The following TSPAN16 variants were observed in gnomAD, a reference collection of about 807,000 sequenced individuals.
The protein encoded by TSPAN16 is tetraspanin 16.
TSPAN16 carries 23 observed loss-of-function variants against 25.2 expected under a neutral mutation model. That is an observed-to-expected ratio of 0.91 (90% CI 0.66 to 1.29). The LOEUF (loss-of-function observed/expected upper bound fraction) is 1.29. Ranked by LOEUF, TSPAN16 falls within the 50% of genes most tolerant of loss-of-function variation. TSPAN16 has a pLI of 0.00. For synonymous variants in TSPAN16, 123 were observed against 124.4 expected (o/e 0.99, Z 0.08); for missense variants, 272 against 299.9 (o/e 0.91, Z 0.69).
intron 6 of TSPAN16, among the ~76,000 whole-genome samples, chr19:11,315,249 A>ATAT (rs1249598574): frequency 3.9e-5 from 5 of 127,084 alleles, no homozygotes; most frequent in Non-Finnish European, 7.8e-5. Context: ...AATAATAATA[A>ATAT]TAATAATAAT....
intron 6 of TSPAN16, 52 bp downstream of exon 6, chr19:11,312,274 G>T: frequency 2.4e-6 from 3 of 1,247,326 alleles, no homozygotes; most frequent in Non-Finnish European, 3.4e-6. Context: ...AGCACCTACT[G>T]TATGCCAAAC....
intron 6 of TSPAN16, among the ~76,000 whole-genome samples, chr19:11,313,544 T>A (rs1432410121): frequency 1.8e-5 from 2 of 113,742 alleles, no homozygotes; most frequent in African/African-American, 3.0e-5. Flanking sequence ...AAAAAAAAAT[T>A]ATATCTTAAT....
At chr19:11,301,095 G>A (rs901305892) in intron 3 of TSPAN16, 106 bp from the exon 4 acceptor site, 8 of 874,390 alleles carry the variant, frequency 9.1e-6, no homozygotes, top group Non-Finnish European at 1.3e-5. Flanking sequence ...AATGAAGGCA[G>A]CACGAGGGAC....
intron 4 of TSPAN16, among the ~76,000 whole-genome samples, chr19:11,304,686 G>A (rs1329958227): frequency 4.6e-5 from 7 of 151,634 alleles, no homozygotes; most frequent in Non-Finnish European, 8.8e-5. Flanking sequence ...CATCACGCCC[G>A]GCTAATTTTT....
exon 7 of TSPAN16, chr19:11,326,890 G>A (rs318688): frequency 0.08 from 45,155 of 564,602 alleles, 3,059 homozygotes; most frequent in African/African-American, 0.27. Context: ...GTTTACCAGC[G>A]TGAGCCACCA....
At chr19:11,299,854 G>A (rs1180759361) in intron 3 of TSPAN16, among the ~76,000 whole-genome samples, 1 of 151,948 alleles carries the variant, frequency 6.6e-6, no homozygotes, top group Admixed American at 6.6e-5. Context: ...GCACATGCCT[G>A]TAATCCCAGC....
At chr19:11,316,800 A>AC (rs1295200109), downstream of TSPAN16, among the ~76,000 whole-genome samples, 820 of 119,634 alleles carry the variant, frequency 6.9e-3, 6 homozygotes, top group African/African-American at 0.02. Context: ...ACATAGCAAG[A>AC]CCCCCCCCGC....
intron 6 of TSPAN16, 146 bp downstream of exon 6, chr19:11,312,368 C>T (rs1334048122): frequency 1.3e-5 from 6 of 445,242 alleles, no homozygotes; most frequent in Non-Finnish European, 2.4e-5. Context: ...ACAAACTAAA[C>T]CCAAATCAAG....
At chr19:11,314,893 G>T (rs1407508175) in intron 6 of TSPAN16, among the ~76,000 whole-genome samples, 1 of 152,118 alleles carries the variant, frequency 6.6e-6, no homozygotes, top group East Asian at 1.9e-4. Context: ...AAGTTATGTG[G>T]CAGTGGAGTC....
intron 1 of TSPAN16, among the ~76,000 whole-genome samples, chr19:11,297,905 C>G (rs1257728741): frequency 2.0e-5 from 3 of 152,108 alleles, no homozygotes; most frequent in Non-Finnish European, 4.4e-5. Context: ...GATCCTCCCA[C>G]TGCAGACACC....
At chr19:11,303,573 A>G (rs571764022) in intron 4 of TSPAN16, among the ~76,000 whole-genome samples, 5 of 117,142 alleles carry the variant, frequency 4.3e-5, no homozygotes, top group African/African-American at 1.1e-4. Context: ...ATAAATAAAT[A>G]AATTAAAAAA....
downstream of TSPAN16, among the ~76,000 whole-genome samples, chr19:11,318,910 G>C (rs1490228001): frequency 1.3e-5 from 2 of 152,156 alleles, no homozygotes; most frequent in African/African-American, 4.8e-5. Flanking sequence ...GCCTCCCAAA[G>C]TGCTGGGATT....
At chr19:11,312,947 A>G (rs541773107) in intron 6 of TSPAN16, among the ~76,000 whole-genome samples, 1 of 152,298 alleles carries the variant, frequency 6.6e-6, no homozygotes, top group East Asian at 1.9e-4. Context: ...TGAAATAGAC[A>G]AATTCCTAGA....
intron 6 of TSPAN16, among the ~76,000 whole-genome samples, chr19:11,312,852 G>C (rs1469570501): frequency 6.6e-6 from 1 of 152,090 alleles, no homozygotes; most frequent in Non-Finnish European, 1.5e-5. Flanking sequence ...GAATGAAAGA[G>C]AGACATCACT....
At chr19:11,302,671 A>ATATG (rs1555703611) in intron 4 of TSPAN16, among the ~76,000 whole-genome samples, 148 of 126,364 alleles carry the variant, frequency 1.2e-3, no homozygotes, top group African/African-American at 5.9e-3. Flanking sequence ...ATATATATAT[A>ATATG]TATATATACA....
downstream of TSPAN16, among the ~76,000 whole-genome samples, chr19:11,319,992 G>T (rs1392169376): frequency 6.6e-6 from 1 of 150,982 alleles, no homozygotes; most frequent in African/African-American, 2.4e-5. Flanking sequence ...TTTTTTTGTT[G>T]TATTTTCAGT....
chr19:11,321,224 A>C (rs1000796031), intron 6 of TSPAN16: 2 of 152,100 alleles, frequency 1.3e-5, no homozygotes, highest in Non-Finnish European at 2.9e-5. Flanking sequence ...ATTTACTCAC[A>C]GTTCAACATG....
chr19:11,311,276 C>T (rs1398790512), intron 5 of TSPAN16, among the ~76,000 whole-genome samples: 4 of 152,210 alleles, frequency 2.6e-5, no homozygotes, highest in African/African-American at 9.6e-5. Flanking sequence ...GCTGGAATTA[C>T]AGGCACCGCC....
intron 1 of TSPAN16, 94 bp downstream of exon 1, chr19:11,296,460 A>C (rs747066616): frequency 1.5e-5 from 20 of 1,350,178 alleles, no homozygotes; most frequent in Non-Finnish European, 1.9e-5. Context: ...CCAAATTGGC[A>C]TCGAGATCTG....
Sources: gnomAD v4.1 joint callset for allele counts (sites outside exome capture counted in the v4.1 genomes callset) on GRCh38, gnomAD v4.1.1 for gene constraint, MANE v1.5 for transcripts, NCBI Gene and HGNC (gene_info 2026-07-23, HGNC 2026-07-21) for gene names.